Variants in NELL1 observed in about 807,000 individuals in gnomAD.
NELL1 encodes protein kinase C-binding protein NELL1.
In NELL1, 76 loss-of-function variants were observed where a neutral mutation model predicts 107.4. The ratio of observed to expected loss-of-function variants is 0.71; its 90% CI spans 0.59 to 0.86. The LOEUF (loss-of-function observed/expected upper bound fraction) is 0.86. Among genes scored for constraint, NELL1 ranks in the 40% least tolerant of loss-of-function variants. The probability of loss-of-function intolerance (pLI) is 0.00; values close to 1 mark genes in which losing one functional copy is unlikely to be tolerated. For synonymous variants in NELL1, 353 were observed against 341.2 expected (o/e 1.03, Z -0.38); for missense variants, 1,024 against 1,005.5 (o/e 1.02, Z -0.25).
At chr11:21,197,973 G>A (rs965056665) in intron 13 of NELL1, among the ~76,000 whole-genome samples, 6 of 152,144 alleles carry the variant, frequency 3.9e-5, no homozygotes, top group African/African-American at 1.4e-4. Context: ...TAAATTCTGT[G>A]GGTCAATAAT....
At chr11:21,201,272 G>A (rs540994407) in intron 13 of NELL1, among the ~76,000 whole-genome samples, 1 of 152,266 alleles carries the variant, frequency 6.6e-6, no homozygotes, top group African/African-American at 2.4e-5. Context: ...ACCATGAAAT[G>A]TTTTCCATTA....
chr11:20,913,788 C>T (rs189625522), intron 5 of NELL1, among the ~76,000 whole-genome samples: 295 of 143,134 alleles, frequency 2.1e-3, no homozygotes, highest in African/African-American at 7.5e-3. Context: ...TTCATCATTA[C>T]ACTAACAATA....
chr11:21,104,432 T>C (rs537897880), intron 12 of NELL1, among the ~76,000 whole-genome samples: 2 of 152,310 alleles, frequency 1.3e-5, no homozygotes, highest in East Asian at 3.9e-4. Flanking sequence ...TTTATGACAG[T>C]GTTTGATTCT....
intron 15 of NELL1, among the ~76,000 whole-genome samples, chr11:21,525,823 A>G (rs1855839215): frequency 6.6e-6 from 1 of 152,138 alleles, no homozygotes; most frequent in South Asian, 2.1e-4. Context: ...CACAAGAACA[A>G]TATGGTAAAA....
Position 21,101,398 on chromosome 11 carries a change from C to A in NELL1, c.1301-12191C>A, listed in dbSNP as rs1241068679. Among the ~76,000 whole-genome samples the A allele has an allele frequency of 7.2e-5, 11 of 152,148 alleles. No homozygotes were observed. The East Asian group carries it at 2.1e-3, about 29-fold the overall frequency. ...CAAATGGTATTTCTAATTCTAGATC[C>A]CTGAGGAAATGCCACACTGACTTCC... is the stretch of plus-strand genomic sequence containing the variant. On this transcript the variant is annotated intron_variant, in intron 12 of 19. Transcript: ENST00000357134.
chr11:21,343,960 AT>A (rs1850630646), intron 14 of NELL1, among the ~76,000 whole-genome samples: 1 of 152,204 alleles, frequency 6.6e-6, no homozygotes, highest in East Asian at 1.9e-4. Flanking sequence ...TCTTGTTTTT[AT>A]TCTTGCTTTT....
chr11:21,136,974 C>G (rs1713593028), intron 13 of NELL1, among the ~76,000 whole-genome samples: 1 of 152,140 alleles, frequency 6.6e-6, no homozygotes, highest in Non-Finnish European at 1.5e-5. Flanking sequence ...GTCATTCTAC[C>G]TGTATTAATG....
Position 21,175,270 on chromosome 11 carries a change from G to T in NELL1, c.1427-54062G>T, listed in dbSNP as rs180833584. Among the ~76,000 whole-genome samples, 502 of 151,732 alleles carry T rather than the reference G, an allele frequency of 3.3e-3. 21 individuals carry two copies. The highest frequency in any genetic ancestry group is 0.012 in the African/African-American group (492 of 41,144). On this transcript the variant is annotated intron_variant, in intron 13 of 19. Coordinates refer to ENST00000357134, the MANE Select transcript of NELL1 (RefSeq NM_006157.5). Reference sequence around the variant, plus strand: ...GATCTTCTTGTTTGTTTGGTGTCTGGGCCTTTCTGCATGGCTGAATTTTCA... The same window carrying T: ...GATCTTCTTGTTTGTTTGGTGTCTGTGCCTTTCTGCATGGCTGAATTTTCA...
At chr11:20,889,609 T>C (rs1330006553) in intron 5 of NELL1, among the ~76,000 whole-genome samples, 4 of 152,226 alleles carry the variant, frequency 2.6e-5, no homozygotes, top group Non-Finnish European at 5.9e-5. Flanking sequence ...AATATAATAA[T>C]GCTTAATTTT....
At chr11:20,889,172 A>G (rs949733931) in intron 5 of NELL1, among the ~76,000 whole-genome samples, 58 of 152,230 alleles carry the variant, frequency 3.8e-4, no homozygotes, top group African/African-American at 1.3e-3. Context: ...AGATAAATAG[A>G]CAGCCACACT....
intron 14 of NELL1, among the ~76,000 whole-genome samples, chr11:21,302,855 A>G (rs1849523848): frequency 6.6e-6 from 1 of 151,768 alleles, no homozygotes; most frequent in South Asian, 2.1e-4. Flanking sequence ...GAGGAGTTTG[A>G]GATCAGCCTG....
chr11:20,686,378 C>T lies in NELL1; in HGVS notation c.184+8318C>T, dbSNP rs934143706. Among the ~76,000 whole-genome samples, 8 of 152,166 alleles carry T rather than the reference C, an allele frequency of 5.3e-5. No individual in the cohort carries two copies. The South Asian group carries it at 1.5e-3, about 28-fold the overall frequency. On this transcript the variant is annotated intron_variant, in intron 2 of 19. Transcript: ENST00000357134. The stretch of plus-strand genomic sequence containing the variant: ...ATTGAGTAAGTAAGATTTTTATTTT[C>T]TTCTTGCTTGAAATAAATTTTTTTA...
At chr11:21,489,700 T>G (rs1181643624) in intron 15 of NELL1, among the ~76,000 whole-genome samples, 5 of 152,058 alleles carry the variant, frequency 3.3e-5, no homozygotes, top group Non-Finnish European at 5.9e-5. Context: ...AAAAACCAAA[T>G]GATCATCTCA....
At chr11:21,459,595 TTATA>T (rs57108578) in intron 15 of NELL1, among the ~76,000 whole-genome samples, 23,264 of 151,744 alleles carry the variant, frequency 0.15, 3,143 homozygotes, top group African/African-American at 0.36. Flanking sequence ...GACTTTGATG[TTATA>T]TATATGGTCA....
intron 18 of NELL1, among the ~76,000 whole-genome samples, chr11:21,571,344 A>G (rs1241275272): frequency 6.6e-6 from 1 of 151,874 alleles, no homozygotes; most frequent in Non-Finnish European, 1.5e-5. Context: ...GAAATATCAG[A>G]GATTTAATCA....
At chr11:20,881,704 A>G (rs1252528981) in intron 4 of NELL1, among the ~76,000 whole-genome samples, 1 of 151,978 alleles carries the variant, frequency 6.6e-6, no homozygotes, top group Non-Finnish European at 1.5e-5. Flanking sequence ...GGCAGGCAGA[A>G]TTCTGTTTTG....
chr11:21,196,094 A>G (rs973685581), intron 13 of NELL1, among the ~76,000 whole-genome samples: 3 of 152,236 alleles, frequency 2.0e-5, no homozygotes, highest in Admixed American at 1.3e-4. Context: ...TGCAAGTTGT[A>G]CACTCTGACC....
At chr11:21,095,923 A>C (rs547706528) in intron 12 of NELL1, among the ~76,000 whole-genome samples, 1 of 152,288 alleles carries the variant, frequency 6.6e-6, no homozygotes, top group African/African-American at 2.4e-5. Context: ...CACATCTTAC[A>C]TGGATGGCAG....
intron 14 of NELL1, among the ~76,000 whole-genome samples, chr11:21,299,687 G>C (rs1211503497): frequency 6.6e-6 from 1 of 151,858 alleles, no homozygotes; most frequent in Non-Finnish European, 1.5e-5. Flanking sequence ...TTTAGGCACT[G>C]TAGACTTTAT....
Sources: gnomAD v4.1 joint callset for allele counts (sites outside exome capture counted in the v4.1 genomes callset) on GRCh38, gnomAD v4.1.1 for gene constraint, MANE v1.5 for transcripts, NCBI Gene and HGNC (gene_info 2026-07-23, HGNC 2026-07-21) for gene names.